The following PLCE1 variants were observed in gnomAD, a reference collection of about 807,000 sequenced individuals.
PLCE1 encodes the protein 1-phosphatidylinositol 4,5-bisphosphate phosphodiesterase epsilon-1.
In PLCE1, 119 loss-of-function variants were observed where a neutral mutation model predicts 242.8. That is an observed-to-expected ratio of 0.49 (90% CI 0.42 to 0.57). The LOEUF (loss-of-function observed/expected upper bound fraction) is 0.57. Among genes scored for constraint, PLCE1 ranks in the 20% least tolerant of loss-of-function variants. The pLI, the probability that PLCE1 is intolerant of heterozygous loss-of-function variation, is 0.00. For synonymous variants in PLCE1, 945 were observed against 1,017.4 expected, an observed-to-expected ratio of 0.93 and a Z score of 1.35; for missense variants, 2,441 against 2,788.8, an observed-to-expected ratio of 0.88 and a Z score of 2.81.
In PLCE1 at chr10:94,192,892, C is replaced by T. The variant is rs565116887; in HGVS notation, c.1809+21396C>T. Among the ~76,000 whole-genome samples, 5 of 94,704 alleles carry T rather than the reference C, an allele frequency of 5.3e-5. No individual in the cohort carries two copies. The South Asian group carries it at 8.9e-4, about 17-fold the overall frequency. 62.1% of individuals were successfully genotyped at this position (94,704 alleles called of 152,430 possible). On this transcript the variant is annotated intron_variant, in intron 4 of 32. Coordinates refer to ENST00000371380, the MANE Select transcript of PLCE1 (RefSeq NM_016341.4). ...ACGGCCATCCCATCTGGAACGCACC[C>T]GCTCTCATCTGATCTTGGAAAAACT...
chr10:94,042,052 T>G (rs1487196906), intron 2 of PLCE1, among the ~76,000 whole-genome samples: 1 of 152,170 alleles, frequency 6.6e-6, no homozygotes, highest in African/African-American at 2.4e-5. Context: ...AATTTGCATA[T>G]AGTAATTTAA....
chr10:94,013,372 G>A (rs1406390860), intron 1 of PLCE1, among the ~76,000 whole-genome samples: 1 of 152,062 alleles, frequency 6.6e-6, no homozygotes, highest in African/African-American at 2.4e-5. Context: ...AGGCACTCAG[G>A]GTTTTGTGAA....
intron 2 of PLCE1, among the ~76,000 whole-genome samples, chr10:94,111,699 T>C (rs767847489): frequency 3.3e-5 from 5 of 152,178 alleles, no homozygotes; most frequent in Non-Finnish European, 7.3e-5. Context: ...AGTTTTCCTA[T>C]AGGAAAGATC....
intron 11 of PLCE1, among the ~76,000 whole-genome samples, chr10:94,255,912 A>ACTCTCTCTCTCTCT (rs1564834353): frequency 1.1e-5 from 1 of 86,964 alleles, no homozygotes; most frequent in Non-Finnish European, 2.4e-5. Flanking sequence ...ACACACACAC[A>ACTCTCTCTCTCTCT]CACTCTCTCT....
chr10:94,115,818 G>T lies in PLCE1; in HGVS notation c.1207-16356G>T, dbSNP rs993464667. ...AGTCAGCCTGTTCCCAGTGACTGTGGCTTCCTCTTGACTCCTGGAGCACCA... is the reference window on the plus strand; with the variant it reads ...AGTCAGCCTGTTCCCAGTGACTGTGTCTTCCTCTTGACTCCTGGAGCACCA... On this transcript the variant is annotated intron_variant, in intron 2 of 32. Coordinates refer to ENST00000371380, the MANE Select transcript of PLCE1 (RefSeq NM_016341.4). Among the ~76,000 whole-genome samples the T allele has an allele frequency of 4.6e-4, 70 of 152,058 alleles. 1 individual carries two copies. Among genetic ancestry groups the T allele is most frequent in the Non-Finnish European group, 1.5e-4 (10 of 68,000 alleles).
intron 2 of PLCE1, chr10:94,109,119 T>C (rs1399035963): frequency 1.3e-5 from 2 of 152,230 alleles, no homozygotes; most frequent in African/African-American, 4.8e-5. Context: ...GGCCTTTGCT[T>C]TGATTTATAC....
Position 94,254,258 on chromosome 10 carries a change from A to G in PLCE1, c.3348A>G (p.Arg1116=), listed in dbSNP as rs1275462773. The G allele has an allele frequency of 6.2e-7, 1 of 1,613,970 alleles. No individual in the cohort carries two copies. Among genetic ancestry groups the G allele is most frequent in the African/African-American group, 1.3e-5 (1 of 74,936 alleles). Residue 1116 remains arginine, a synonymous_variant, in exon 10 of 33, where the codon CGA becomes CGG. Coordinates refer to ENST00000371380, the MANE Select transcript of PLCE1 (RefSeq NM_016341.4). ...AGGCCAAGATGCACAAAGAGTGTCG[A>G]AGCCGGAGTGGTTCTGATCCTCAAG... ...TRKAKMHKEC[R]SRSGSDPQDI...
intron 11 of PLCE1, among the ~76,000 whole-genome samples, chr10:94,258,325 T>C (rs964233761): frequency 7.9e-5 from 12 of 152,344 alleles, no homozygotes; most frequent in African/African-American, 2.9e-4. Context: ...AGCTCTTCTC[T>C]GTTTTCATCT....
intron 4 of PLCE1, 124 bp from the exon 5 acceptor site, chr10:94,227,182 C>A: frequency 1.1e-6 from 1 of 895,436 alleles, no homozygotes; most frequent in South Asian, 1.4e-5. Context: ...CAGCCAGGAC[C>A]TACAGGTCTT....
chr10:94,034,262 AG>A (rs1369573209), intron 2 of PLCE1, among the ~76,000 whole-genome samples: 1 of 152,208 alleles, frequency 6.6e-6, no homozygotes, highest in Non-Finnish European at 1.5e-5. Flanking sequence ...AGATTTGGGT[AG>A]GGACACAGCC....
intron 20 of PLCE1, among the ~76,000 whole-genome samples, chr10:94,280,946 A>G (rs948321666): frequency 5.9e-5 from 9 of 152,202 alleles, no homozygotes; most frequent in Non-Finnish European, 1.2e-4. Context: ...TACATCATTT[A>G]GTATTTGTCC....
intron 9 of PLCE1, 31 bp downstream of exon 9, chr10:94,252,529 A>G (rs1235810238): frequency 1.3e-6 from 2 of 1,577,848 alleles, no homozygotes; most frequent in Non-Finnish European, 8.7e-7. Context: ...TAAGCATTAA[A>G]CCCATCTTCC....
intron 3 of PLCE1, among the ~76,000 whole-genome samples, chr10:94,165,285 G>C (rs1590164849): frequency 6.6e-6 from 1 of 152,200 alleles, no homozygotes; most frequent in Non-Finnish European, 1.5e-5. Flanking sequence ...CACCCAGTTC[G>C]AGCTTCCCGG....
chr10:94,329,776 C>CAAAAAAAAAAAAA lies in PLCE1; in HGVS notation c.*1856_*1868dup, dbSNP rs71031569. The CAAAAAAAAAAAAA allele has an allele frequency of 5.0e-4, 19 of 37,950 alleles. 3 individuals carry two copies. The highest frequency in any genetic ancestry group is 1.6e-3 in the Admixed American group (3 of 1,894). The allele number at this position is 37,950 out of a possible 1,614,324, so 2.4% of individuals were successfully genotyped here. ...CTGGTGACAGAGCGAGACTCCGTCT[C>CAAAAAAAAAAAAA]AAAAAAAAAAAAAAAAAAAAAAAAA... is the stretch of plus-strand genomic sequence containing the variant. On this transcript the variant is annotated 3_prime_UTR_variant, in exon 33 of 33. Transcript: ENST00000371380.
intron 2 of PLCE1, among the ~76,000 whole-genome samples, chr10:94,076,367 G>T (rs1299810376): frequency 6.6e-6 from 1 of 152,116 alleles, no homozygotes; most frequent in Non-Finnish European, 1.5e-5. Flanking sequence ...AAGATGTTTT[G>T]AATCTAGTTA....
chr10:94,176,986 C>CA (rs2048146951), intron 4 of PLCE1, among the ~76,000 whole-genome samples: 1 of 152,090 alleles, frequency 6.6e-6, no homozygotes, highest in Admixed American at 6.6e-5. Context: ...AGAAGACAAT[C>CA]AGACAGTTTT....
At chr10:94,209,434 A>C (rs1564790594) in intron 4 of PLCE1, among the ~76,000 whole-genome samples, 1 of 152,226 alleles carries the variant, frequency 6.6e-6, no homozygotes, top group Non-Finnish European at 1.5e-5. Flanking sequence ...GTTTTCAGAT[A>C]TTCTTTGTTT....
At chr10:94,115,738 C>A (rs977116096) in intron 2 of PLCE1, among the ~76,000 whole-genome samples, 2 of 152,152 alleles carry the variant, frequency 1.3e-5, no homozygotes, top group Admixed American at 6.5e-5. Context: ...ATGGTAGTTT[C>A]TTTTGCTGGT....
chr10:94,116,739 A>G (rs912000984), intron 2 of PLCE1, among the ~76,000 whole-genome samples: 5 of 152,198 alleles, frequency 3.3e-5, no homozygotes, highest in Admixed American at 3.3e-4. Flanking sequence ...GTAAAACATA[A>G]AAAAGCTGAT....
Sources: allele counts gnomAD v4.1 joint callset (sites outside exome capture counted in the v4.1 genomes callset), GRCh38; gene constraint gnomAD v4.1.1; transcripts MANE v1.5; gene names NCBI Gene and HGNC (gene_info 2026-07-23, HGNC 2026-07-21).